DYNC1I1: variants seen among roughly 807,000 people sequenced by gnomAD.
The protein encoded by DYNC1I1 is dynein cytoplasmic 1 intermediate chain 1.
DYNC1I1 carries 43 observed loss-of-function variants against 86.6 expected under a neutral mutation model. The observed-to-expected ratio is 0.50, with a 90% CI of 0.39 to 0.64. The LOEUF is 0.64. DYNC1I1 is among the 30% of genes least tolerant of loss of function. The pLI, the probability that DYNC1I1 is intolerant of heterozygous loss-of-function variation, is 0.00. For missense variants in DYNC1I1, 604 were observed against 788.8 expected (o/e 0.77, Z 2.81); for synonymous variants, 262 against 283.7 (o/e 0.92, Z 0.77).
At chr7:96,066,865 G>A (rs1472254285) in intron 14 of DYNC1I1, among the ~76,000 whole-genome samples, 1 of 152,176 alleles carries the variant, frequency 6.6e-6, no homozygotes, top group African/African-American at 2.4e-5. Context: ...GTTTGTGCTT[G>A]AGAACAAAAT....
chr7:96,095,107 T>C lies in DYNC1I1; in HGVS notation c.1777-2376T>C, dbSNP rs190853858. On this transcript the variant is annotated intron_variant, in intron 16 of 16. Transcript: ENST00000447467. ...CCACCTCCATGAAGAAAGTCACATG[T>C]AGTTCACTCGCTGGCTTATGTTTTG... 2.6e-5 allele frequency among the ~76,000 whole-genome samples: 4 copies of C among 152,334 alleles called. No individual in the cohort carries two copies. The East Asian group carries it at 7.7e-4, about 29-fold the overall frequency.
intron 5 of DYNC1I1, among the ~76,000 whole-genome samples, chr7:95,860,759 C>A (rs1025277655): frequency 2.6e-5 from 4 of 152,106 alleles, no homozygotes; most frequent in Non-Finnish European, 4.4e-5. Context: ...TATTGCTGCA[C>A]CCTCACATGG....
intron 6 of DYNC1I1, among the ~76,000 whole-genome samples, chr7:95,885,702 T>C (rs1464826469): frequency 6.6e-6 from 1 of 152,118 alleles, no homozygotes; most frequent in African/African-American, 2.4e-5. Flanking sequence ...GCCCAGGCTC[T>C]TTTCAAATTC....
chr7:95,774,772 C>G (rs536685149), intron 1 of DYNC1I1, among the ~76,000 whole-genome samples: 1 of 152,254 alleles, frequency 6.6e-6, no homozygotes, highest in East Asian at 1.9e-4. Context: ...GCTGCTCTGT[C>G]CATAAAAACA....
At chr7:96,085,744 A>G (rs758279487) in intron 16 of DYNC1I1, among the ~76,000 whole-genome samples, 4 of 152,158 alleles carry the variant, frequency 2.6e-5, no homozygotes, top group Non-Finnish European at 4.4e-5. Flanking sequence ...CACCATTTAA[A>G]TTTTCTGAGA....
At chr7:95,981,244 G>A (rs569810691) in intron 7 of DYNC1I1, among the ~76,000 whole-genome samples, 4 of 152,076 alleles carry the variant, frequency 2.6e-5, no homozygotes, top group Non-Finnish European at 4.4e-5. Context: ...AAAAGATATA[G>A]TTTAAAGTAG....
intron 6 of DYNC1I1, among the ~76,000 whole-genome samples, chr7:95,938,724 A>G (rs1054656158): frequency 6.6e-6 from 1 of 152,128 alleles, no homozygotes; most frequent in Non-Finnish European, 1.5e-5. Context: ...CTTTTTGTAA[A>G]TTATTAAGTG....
At chr7:96,058,672 T>C in intron 14 of DYNC1I1, among the ~76,000 whole-genome samples, 1 of 152,126 alleles carries the variant, frequency 6.6e-6, no homozygotes, top group Non-Finnish European at 1.5e-5. Flanking sequence ...TCTCACTCTG[T>C]CGCCCAGTTT....
chr7:95,815,929 A>G (rs1206572762), intron 4 of DYNC1I1, among the ~76,000 whole-genome samples: 1 of 152,180 alleles, frequency 6.6e-6, no homozygotes, highest in Admixed American at 6.5e-5. Flanking sequence ...CTTTGTAACT[A>G]GTTAATCTGC....
chr7:95,972,667 C>T (rs1220111310), intron 6 of DYNC1I1, among the ~76,000 whole-genome samples: 1 of 152,166 alleles, frequency 6.6e-6, no homozygotes, highest in Non-Finnish European at 1.5e-5. Context: ...GCTATCAAAA[C>T]AAGTCAGCGA....
intron 16 of DYNC1I1, among the ~76,000 whole-genome samples, chr7:96,087,021 C>G (rs1305951943): frequency 6.6e-6 from 1 of 152,046 alleles, no homozygotes; most frequent in Non-Finnish European, 1.5e-5. Context: ...ATGTGATAAA[C>G]TGGAAGTACT....
At chr7:96,001,854 G>C (rs771408078) in intron 10 of DYNC1I1, among the ~76,000 whole-genome samples, 13 of 152,174 alleles carry the variant, frequency 8.5e-5, no homozygotes, top group Admixed American at 1.3e-4. Flanking sequence ...GAATTTGGTC[G>C]TGGTGGGGGA....
chr7:96,095,252 G>A (rs1484496445), intron 16 of DYNC1I1, among the ~76,000 whole-genome samples: 1 of 152,104 alleles, frequency 6.6e-6, no homozygotes, highest in Non-Finnish European at 1.5e-5. Flanking sequence ...ACTGTGTGTA[G>A]ACATTTATTC....
At chr7:96,057,292 G>T (rs1313592803) in intron 14 of DYNC1I1, among the ~76,000 whole-genome samples, 1 of 152,060 alleles carries the variant, frequency 6.6e-6, no homozygotes, top group Admixed American at 6.6e-5. Context: ...CCTTGAAACT[G>T]GGCCTTTTCT....
chr7:95,862,918 C>A (rs1448046738), intron 5 of DYNC1I1, among the ~76,000 whole-genome samples: 3 of 152,014 alleles, frequency 2.0e-5, no homozygotes. Flanking sequence ...ATACCTAATA[C>A]AATGTAAATG....
chr7:95,988,964 A>G (rs1013940066), intron 9 of DYNC1I1, among the ~76,000 whole-genome samples: 1 of 152,172 alleles, frequency 6.6e-6, no homozygotes, highest in African/African-American at 2.4e-5. Flanking sequence ...GATTTATACC[A>G]AAGTATTTTA....
intron 6 of DYNC1I1, among the ~76,000 whole-genome samples, chr7:95,915,269 A>C (rs1036254764): frequency 2.0e-5 from 3 of 152,230 alleles, no homozygotes; most frequent in Non-Finnish European, 2.9e-5. Flanking sequence ...TATTATCTCC[A>C]GTACAACCCT....
intron 1 of DYNC1I1, among the ~76,000 whole-genome samples, chr7:95,787,073 A>G (rs1198236573): frequency 3.9e-5 from 6 of 152,198 alleles, no homozygotes; most frequent in Admixed American, 3.9e-4. Flanking sequence ...GTTCTTAGGT[A>G]GCCCACATTC....
chr7:95,967,790 AAAG>A (rs1793054923), intron 6 of DYNC1I1, among the ~76,000 whole-genome samples: 1 of 152,296 alleles, frequency 6.6e-6, no homozygotes, highest in East Asian at 1.9e-4. Context: ...TGTAACAGGA[AAAG>A]AAGAAGGGAG....
Sources: gnomAD v4.1 joint callset for allele counts (sites outside exome capture counted in the v4.1 genomes callset) on GRCh38, gnomAD v4.1.1 for gene constraint, MANE v1.5 for transcripts, NCBI Gene and HGNC (gene_info 2026-07-23, HGNC 2026-07-21) for gene names.